Variants in LRP2 observed in about 807,000 individuals in gnomAD.
LRP2 encodes the protein LDL receptor related protein 2.
In LRP2, 172 loss-of-function variants were observed where a neutral mutation model predicts 531.0. The ratio of observed to expected loss-of-function variants is 0.32; its 90% CI spans 0.29 to 0.37. The LOEUF (loss-of-function observed/expected upper bound fraction) is 0.37, where lower values mean the gene tolerates loss of function less well. Ranked by LOEUF, LRP2 falls within the 10% of genes least tolerant of loss-of-function variation. The pLI is 1.00. For synonymous variants in LRP2, 1,992 were observed against 2,027.6 expected (o/e 0.98, Z 0.47); for missense variants, 5,167 against 5,868.3 (o/e 0.88, Z 3.90).
chr2:169,327,256 A>C (rs1291733749), intron 1 of LRP2, among the ~76,000 whole-genome samples: 1 of 5,818 alleles, frequency 1.7e-4, no homozygotes, highest in Non-Finnish European at 1.1e-3. Context: ...CACGTCCGGG[A>C]GGGAGGTGGG....
chr2:169,165,485 C>G (rs1686748984), intron 62 of LRP2, among the ~76,000 whole-genome samples: 1 of 152,160 alleles, frequency 6.6e-6, no homozygotes, highest in South Asian at 2.1e-4. Context: ...TCTGTTAACA[C>G]CAGTGCTGCC....
rs1324321470 is a variant in LRP2 at position 169,175,281 on chromosome 2, G to A, written c.10680C>T (p.Cys3560=). The change falls in exon 55 of 79, where the codon TGC becomes TGT. Residue 3560 remains cysteine, a synonymous_variant. Transcript: ENST00000649046. ...QRFCRLGQFQ[C]SDGNCTSPQT... is the part of the protein sequence containing the mutation. Reference sequence around the variant, plus strand: ...GCGGGCTGGTGCAGTTGCCGTCACTGCACTGGAACTGTCCCAGTCGGCAGA... The same window carrying A: ...GCGGGCTGGTGCAGTTGCCGTCACTACACTGGAACTGTCCCAGTCGGCAGA... 3 of 1,614,192 alleles carry A rather than the reference G, an allele frequency of 1.9e-6. No individual in the cohort carries two copies. The highest frequency in any genetic ancestry group is 1.7e-6 in the Non-Finnish European group (2 of 1,180,020).
At chr2:169,295,992 A>G (rs1310382454) in intron 4 of LRP2, among the ~76,000 whole-genome samples, 1 of 152,118 alleles carries the variant, frequency 6.6e-6, no homozygotes, top group Non-Finnish European at 1.5e-5. Flanking sequence ...CCAATTTGAG[A>G]TTTTATAGAG....
At chr2:169,324,293 T>C (rs1684985530) in intron 1 of LRP2, among the ~76,000 whole-genome samples, 1 of 152,112 alleles carries the variant, frequency 6.6e-6, no homozygotes, top group African/African-American at 2.4e-5. Context: ...ACCACTACTC[T>C]ATGTTCCCTT....
intron 16 of LRP2, among the ~76,000 whole-genome samples, chr2:169,259,931 T>G (rs1690479481): frequency 6.6e-6 from 1 of 152,130 alleles, no homozygotes; most frequent in African/African-American, 2.4e-5. Context: ...AAGAAAGTTC[T>G]CTATGTGATA....
chr2:169,162,408 T>C, intron 63 of LRP2, 64 bp downstream of exon 63: 1 of 1,572,628 alleles, frequency 6.4e-7, no homozygotes, highest in Admixed American at 1.7e-5. Context: ...ATTATGTTAT[T>C]GCATGTTTTA....
At chr2:169,203,736 G>A (rs1268507604) in intron 42 of LRP2, among the ~76,000 whole-genome samples, 8 of 152,198 alleles carry the variant, frequency 5.3e-5, no homozygotes, top group Non-Finnish European at 8.8e-5. Context: ...CAGCCTGGGC[G>A]ACAGAGTGAG....
chr2:169,221,392 G>T (rs929137348), intron 33 of LRP2, among the ~76,000 whole-genome samples: 3 of 152,164 alleles, frequency 2.0e-5, no homozygotes, highest in African/African-American at 7.2e-5. Flanking sequence ...CAGAGGTTTA[G>T]TGGCTTTCCC....
At chr2:169,275,480 T>C (rs1683528426) in intron 13 of LRP2, 1 of 495,068 alleles carries the variant, frequency 2.0e-6, no homozygotes, top group South Asian at 2.1e-5. Flanking sequence ...GTCAATCCTT[T>C]AGCTTGTCCT....
intron 44 of LRP2, 60 bp from the exon 45 acceptor site, chr2:169,198,971 A>G (rs964472224): frequency 6.4e-7 from 1 of 1,561,870 alleles, no homozygotes; most frequent in Non-Finnish European, 8.8e-7. Flanking sequence ...TATTATGAAC[A>G]GTATCCGTGC....
chr2:169,139,897 G>A lies in LRP2; in HGVS notation c.13200-287C>T, dbSNP rs377610190. On this transcript the variant is annotated intron_variant, in intron 72 of 78. Transcript: ENST00000649046. ...AATCTATGCAATGCTTCCTTAGAGA[G>A]TACAAATGGAAACCATGGTTATGTT... Among the ~76,000 whole-genome samples, 8 of 152,298 alleles carry A rather than the reference G, an allele frequency of 5.3e-5. 1 individual carries two copies. Among genetic ancestry groups the A allele is most frequent in the East Asian group, 1.9e-4 (1 of 5,186 alleles).
In LRP2 at chr2:169,246,823, C is replaced by T. The variant is rs1690024266; in HGVS notation, c.3072G>A (p.Glu1024=). The change falls in exon 21 of 79, where the codon GAG becomes GAA. Residue 1024 remains glutamate, a synonymous_variant. Coordinates refer to ENST00000649046, the MANE Select transcript of LRP2 (RefSeq NM_004525.3). ...EGDPTNEPPT[E]QCGLFSFPCK... is the part of the protein sequence containing the mutation. ...AGGGGAAGGAAAATAAGCCACACTG[C>T]TCTGTGGGTGGTTCATTGGTTGGGT... 3 of 1,614,170 alleles carry T rather than the reference C, an allele frequency of 1.9e-6. No homozygotes were observed. The highest frequency in any genetic ancestry group is 1.3e-5 in the African/African-American group (1 of 75,036).
At chr2:169,203,532 G>A (rs1688271406) in intron 42 of LRP2, among the ~76,000 whole-genome samples, 1 of 152,162 alleles carries the variant, frequency 6.6e-6, no homozygotes, top group South Asian at 2.1e-4. Context: ...AGGCCGAGGT[G>A]GGCAATCTCT....
intron 25 of LRP2, 78 bp from the exon 26 acceptor site, chr2:169,239,853 A>C (rs568124545): frequency 7.8e-7 from 1 of 1,287,692 alleles, no homozygotes; most frequent in Admixed American, 1.8e-5. Flanking sequence ...TGCAATATTT[A>C]TTATGCAGTC....
chr2:169,167,624 G>A (rs1029594501), intron 61 of LRP2, among the ~76,000 whole-genome samples: 2 of 151,926 alleles, frequency 1.3e-5, no homozygotes, highest in African/African-American at 4.8e-5. Flanking sequence ...ACTTCTTTTG[G>A]TCTTGATTTT....
chr2:169,337,790 T>C (rs556430881), intron 1 of LRP2, among the ~76,000 whole-genome samples: 3 of 152,088 alleles, frequency 2.0e-5, no homozygotes, highest in South Asian at 4.1e-4. Context: ...GACAGCCCAA[T>C]ATTACCAGGC....
chr2:169,185,882 A>G lies in LRP2; in HGVS notation c.9466T>C (p.Cys3156Arg). The G allele has an allele frequency of 6.2e-7, 1 of 1,614,094 alleles. No homozygotes were observed. The highest frequency in any genetic ancestry group is 1.3e-5 in the African/African-American group (1 of 75,010). ...CTACAGACAAAAGGCATCTCTGTGC[A>G]TTCATCAATATCAACACAAGTCCGC... The part of the protein sequence containing the change: ...DKRTCVDIDE[C>R]TEMPFVCSQK... The change falls in exon 50 of 79, where the codon TGC becomes CGC. Residue 3156 changes from cysteine (C) to arginine (R), a missense_variant. This residue lies in a region of LRP2 where 1,129 missense variants were observed against 1,362.7 expected (regional missense o/e 0.83). Transcript: ENST00000649046.
At chr2:169,357,573 T>G (rs1686027638) in intron 1 of LRP2, among the ~76,000 whole-genome samples, 1 of 151,808 alleles carries the variant, frequency 6.6e-6, no homozygotes, top group African/African-American at 2.4e-5. Flanking sequence ...CTCATGATCC[T>G]CCCGCCTCAG....
chr2:169,329,261 G>A (rs1274281388), intron 1 of LRP2, among the ~76,000 whole-genome samples: 1 of 152,184 alleles, frequency 6.6e-6, no homozygotes, highest in Non-Finnish European at 1.5e-5. Flanking sequence ...CAACTTGACA[G>A]GCCAGGCGTG....
Sources: gnomAD v4.1 joint callset for allele counts (sites outside exome capture counted in the v4.1 genomes callset) on GRCh38, gnomAD v4.1.1 for gene constraint, gnomAD v4.1.1 regional missense constraint, MANE v1.5 for transcripts, NCBI Gene and HGNC (gene_info 2026-07-23, HGNC 2026-07-21) for gene names.